GRAMD4: variants seen among roughly 807,000 people sequenced by gnomAD.
GRAMD4 encodes GRAM domain-containing protein 4.
In GRAMD4, 25 loss-of-function variants were observed where a neutral mutation model predicts 83.9. The observed-to-expected ratio is 0.30, with a 90% CI of 0.22 to 0.42. The LOEUF is 0.42. GRAMD4 is among the 10% of genes least tolerant of loss of function. The probability of loss-of-function intolerance (pLI) is 1.00; values close to 1 mark genes in which losing one functional copy is unlikely to be tolerated. For missense variants in GRAMD4, 593 were observed against 788.7 expected, an observed-to-expected ratio of 0.75 and a Z score of 2.97; for synonymous variants, 336 against 320.9, an observed-to-expected ratio of 1.05 and a Z score of -0.50.
chr22:46,625,485 T>C (rs1340083616), intron 1 of GRAMD4, among the ~76,000 whole-genome samples: 2 of 152,244 alleles, frequency 1.3e-5, no homozygotes, highest in Non-Finnish European at 2.9e-5. Flanking sequence ...CCGCCCCATC[T>C]CCTTGCTCCT....
chr22:46,630,543 G>A (rs1266717671), intron 2 of GRAMD4, among the ~76,000 whole-genome samples: 1 of 152,214 alleles, frequency 6.6e-6, no homozygotes, highest in East Asian at 1.9e-4. Flanking sequence ...AGGGTCTGAG[G>A]GTTTCCCTGG....
chr22:46,645,524 C>T (rs574092178), intron 3 of GRAMD4, among the ~76,000 whole-genome samples: 184 of 152,290 alleles, frequency 1.2e-3, no homozygotes, highest in African/African-American at 4.0e-3. Context: ...GGCCTCAGCT[C>T]CCCCACCTGT....
chr22:46,668,691 C>T lies in GRAMD4; in HGVS notation c.933C>T (p.Asn311=), dbSNP rs550170017. 2.5e-6 allele frequency: 4 copies of T among 1,612,538 alleles called. No homozygotes were observed. In the African/African-American group the frequency reaches 4.0e-5, roughly 16 times the overall value. The change falls in exon 12 of 19, where the codon AAC becomes AAT. Residue 311 remains asparagine (N), a splice_region_variant and synonymous_variant. Coordinates refer to ENST00000406902, the MANE Select transcript of GRAMD4 (RefSeq NM_015124.5). ...LVLDVAQKAQ[N]LFGKMADILE... ...ATTGCTGTTTCTCCTTCACACAGAACCTTTTCGGGAAGATGGCTGACATCC... is the reference window on the plus strand; with the variant it reads ...ATTGCTGTTTCTCCTTCACACAGAATCTTTTCGGGAAGATGGCTGACATCC...
At chr22:46,643,135 G>GTC (rs2082004322) in intron 3 of GRAMD4, among the ~76,000 whole-genome samples, 2 of 7,996 alleles carry the variant, frequency 2.5e-4, no homozygotes, top group East Asian at 5.4e-3. Flanking sequence ...ATCCATCCAT[G>GTC]CATCCTTCCA....
chr22:46,613,906 G>A (rs899122453), intron 1 of GRAMD4, among the ~76,000 whole-genome samples: 1 of 152,232 alleles, frequency 6.6e-6, no homozygotes, highest in Non-Finnish European at 1.5e-5. Flanking sequence ...CAAGCCTGCT[G>A]GGAGGGAGGT....
chr22:46,610,917 A>C (rs1287668997), intron 1 of GRAMD4, among the ~76,000 whole-genome samples: 2 of 152,154 alleles, frequency 1.3e-5, no homozygotes, highest in Non-Finnish European at 2.9e-5. Context: ...GTTTTCTTTA[A>C]ATAAACATCT....
At chr22:46,680,809 T>TCCATCCATCCAG (rs1569313821), downstream of GRAMD4, among the ~76,000 whole-genome samples, 1 of 59,106 alleles carries the variant, frequency 1.7e-5, no homozygotes, top group Non-Finnish European at 2.7e-5. Flanking sequence ...CACCTACCCA[T>TCCATCCATCCAG]CCATCCATCC....
At chr22:46,586,631 A>G (rs1025834680) in intron 1 of GRAMD4, among the ~76,000 whole-genome samples, 4 of 152,318 alleles carry the variant, frequency 2.6e-5, no homozygotes, top group African/African-American at 2.4e-5. Flanking sequence ...CAGGTATCCT[A>G]CTGCACCCAG....
At chr22:46,576,665 G>A (rs1482010282), upstream of GRAMD4, among the ~76,000 whole-genome samples, 1 of 152,140 alleles carries the variant, frequency 6.6e-6, no homozygotes, top group Non-Finnish European at 1.5e-5. Flanking sequence ...GGCGCCCCGC[G>A]AGGCGGTCGA....
intron 1 of GRAMD4, among the ~76,000 whole-genome samples, chr22:46,595,674 T>G (rs112889122): frequency 0.025 from 3,768 of 152,306 alleles, 159 homozygotes; most frequent in African/African-American, 0.086. Context: ...GAACAGCCTT[T>G]CCAGCTGCCC....
intron 1 of GRAMD4, among the ~76,000 whole-genome samples, chr22:46,601,051 G>A (rs1393799292): frequency 6.6e-6 from 1 of 152,152 alleles, no homozygotes; most frequent in African/African-American, 2.4e-5. Context: ...GACTGGGGCA[G>A]GAGAATCACT....
chr22:46,661,542 C>T lies in GRAMD4; in HGVS notation c.466+100C>T, dbSNP rs577092997. The T allele has an allele frequency of 1.1e-3, 908 of 842,728 alleles. 7 individuals are homozygous for T. Among genetic ancestry groups the T allele is most frequent in the South Asian group, 0.01 (734 of 71,070 alleles). 52.2% of individuals were successfully genotyped at this position (842,728 alleles called of 1,614,324 possible). A position where few individuals can be genotyped will look rare whatever the true frequency, so the allele number is the denominator to read the frequency against. ...CCAGGTTAACAATGGAGCAGATACC[C>T]CCTCCCCCAGCAGGTGGGCAGGCGG... On this transcript the variant is annotated intron_variant, in intron 5 of 18. Coordinates refer to ENST00000406902, the MANE Select transcript of GRAMD4 (RefSeq NM_015124.5).
intron 1 of GRAMD4, among the ~76,000 whole-genome samples, chr22:46,583,244 G>C (rs530849840): frequency 6.6e-6 from 1 of 152,282 alleles, no homozygotes; most frequent in Non-Finnish European, 1.5e-5. Flanking sequence ...TTAAAAAACT[G>C]TTTTAGATTT....
chr22:46,670,574 G>A (rs1357267244), intron 13 of GRAMD4, among the ~76,000 whole-genome samples: 1 of 152,148 alleles, frequency 6.6e-6, no homozygotes, highest in Non-Finnish European at 1.5e-5. Flanking sequence ...CTGGGGGTGT[G>A]CACCTGGGTC....
At position 46,677,225 on chromosome 22, in the gene GRAMD4, G is replaced by A; in HGVS notation, c.1711G>A (p.Ala571Thr). 1 of 1,613,670 alleles carries A rather than the reference G, an allele frequency of 6.2e-7. No individual in the cohort carries two copies. The highest frequency in any genetic ancestry group is 8.5e-7 in the Non-Finnish European group (1 of 1,179,808). Residue 571 changes from alanine to threonine, a missense_variant, in exon 19 of 19, where the codon GCG (alanine) becomes ACG (threonine). Ala to Thr is a moderately conservative substitution (Grantham distance 58). Around this residue, in one of 4 missense-constraint regions of GRAMD4, gnomAD observed 74 missense variants for 152.7 expected, o/e 0.48. Coordinates refer to ENST00000406902, the MANE Select transcript of GRAMD4 (RefSeq NM_015124.5). ...CAGCCAGTACATCAAGATCACCTCA[G>A]CGGCAGCGTCTGGCGGGGACAGCTA... is the stretch of plus-strand genomic sequence containing the variant. ...ILSQYIKITS[A>T]AASGGDS
At position 46,626,814 on chromosome 22, in the gene GRAMD4, G is replaced by T; in HGVS notation, c.15G>T (p.Leu5Phe). The T allele has an allele frequency of 6.2e-7, 1 of 1,613,896 alleles. No individual in the cohort carries two copies. Among genetic ancestry groups the T allele is most frequent in the Non-Finnish European group, 8.5e-7 (1 of 1,179,792 alleles). ...CAGTGCTGAACATGCTAAGGAGGTT[G>T]GACAAAATCAGGTTCAGAGGTCACA... MLRR[L>F]DKIRFRGHKR... is the part of the protein sequence containing the mutation. The change falls in exon 2 of 19, where the codon TTG (leucine) becomes TTT (phenylalanine). Residue 5 changes from leucine (L) to phenylalanine (F), a missense_variant. This residue lies in a region of GRAMD4 where 312 missense variants were observed against 350.7 expected (regional missense o/e 0.89). Transcript: ENST00000406902.
rs781580516 is a variant in GRAMD4, at chr22:46,677,569, GT to G, written c.*320del. ...AGGACCCCTGGCCCTGCCCTTCTCC[GT>G]TCCAGCCTGGACAGAGAAACCTCTC... On this transcript the variant is annotated 3_prime_UTR_variant, in exon 19 of 19. Transcript: ENST00000406902. 1.3e-5 allele frequency: 15 copies of G among 1,111,268 alleles called. No homozygotes were observed. The highest frequency in any genetic ancestry group is 1.7e-5 in the Non-Finnish European group (15 of 906,280). The allele number at this position is 1,111,268 out of a possible 1,614,324, so 68.8% of individuals were successfully genotyped here.
chr22:46,620,290 A>C (rs1435980758), upstream of GRAMD4: 3 of 985,176 alleles, frequency 3.0e-6, no homozygotes, highest in African/African-American at 1.7e-5. This position sits in a 1 kb window ranked among gnomAD's most constrained non-coding sequence, Gnocchi z 4.7. Context: ...TCCTGCTTGC[A>C]GAGAGGGCCT....
chr22:46,594,626 T>C (rs1221661809), intron 1 of GRAMD4, among the ~76,000 whole-genome samples: 1 of 151,534 alleles, frequency 6.6e-6, no homozygotes, highest in African/African-American at 2.4e-5. Context: ...GGTACAGAGA[T>C]GTCCAGGGGT....
Sources: allele counts gnomAD v4.1 joint callset (sites outside exome capture counted in the v4.1 genomes callset), GRCh38; gene constraint gnomAD v4.1.1; regional missense constraint gnomAD v4.1.1; non-coding constraint Gnocchi (gnomAD v3.1); transcripts MANE v1.5; gene names NCBI Gene and HGNC (gene_info 2026-07-23, HGNC 2026-07-21).